The following PKLR variants were observed in gnomAD, a reference collection of about 807,000 sequenced individuals.
PKLR encodes pyruvate kinase L/R, also known as pyruvate kinase PKLR.
PKLR carries 38 observed loss-of-function variants against 53.6 expected under a neutral mutation model. The observed-to-expected ratio is 0.71, with a 90% CI of 0.55 to 0.93. The LOEUF (loss-of-function observed/expected upper bound fraction) is 0.93, where lower values mean the gene tolerates loss of function less well. Ranked by LOEUF, PKLR falls within the 40% of genes least tolerant of loss-of-function variation. PKLR has a pLI of 0.00. For missense variants in PKLR, 702 were observed against 787.3 expected (o/e 0.89, Z 1.30); for synonymous variants, 328 against 316.2 (o/e 1.04, Z -0.39).
At chr1:155,298,960 T>C (rs1403051432) in intron 2 of PKLR, among the ~76,000 whole-genome samples, 2 of 39,370 alleles carry the variant, frequency 5.1e-5, no homozygotes, top group Non-Finnish European at 9.0e-5. Flanking sequence ...ACTCCTTTCT[T>C]TCTTTCTTTC....
At chr1:155,298,105 G>A (rs899402982) in intron 2 of PKLR, among the ~76,000 whole-genome samples, 1 of 151,964 alleles carries the variant, frequency 6.6e-6, no homozygotes, top group African/African-American at 2.4e-5. Context: ...GAGGACAGAG[G>A]TGCGATCTCT....
rs753890733 is a variant in PKLR, at chr1:155,293,193, G to A, written c.1420C>T (p.Leu474=). 18 of 1,614,054 alleles carry A rather than the reference G, an allele frequency of 1.1e-5. No homozygotes were observed. The highest frequency in any genetic ancestry group is 1.4e-5 in the Non-Finnish European group (16 of 1,179,988). ...FKCCAAAIIV[L]TTTGRSAQLL... The stretch of plus-strand genomic sequence containing the variant: ...CCCCCTCACCGGCCAGTTGTGGTCA[G>A]CACAATGATGGCAGCAGCACAGCAC... The change falls in exon 9 of 11, where the codon CTG becomes TTG. Residue 474 remains leucine (L), a synonymous_variant. Transcript: ENST00000342741. This position sits in a 1 kb window ranked among gnomAD's most constrained non-coding sequence, Gnocchi z 4.2.
At chr1:155,305,358 C>A (rs1167659150), upstream of PKLR, among the ~76,000 whole-genome samples, 1 of 152,090 alleles carries the variant, frequency 6.6e-6, no homozygotes. Flanking sequence ...CGAGCTGTAA[C>A]CACTAAGCTC....
chr1:155,290,501 C>T lies in PKLR; in HGVS notation c.*71G>A, dbSNP rs1481300966. The T allele has an allele frequency of 5.5e-6, 5 of 911,044 alleles. No individual in the cohort carries two copies. Among genetic ancestry groups the T allele is most frequent in the Admixed American group, 1.9e-5 (1 of 53,916 alleles). 56.4% of individuals were successfully genotyped at this position (911,044 alleles called of 1,614,324 possible). On this transcript the variant is annotated 3_prime_UTR_variant, in exon 11 of 11. Coordinates refer to ENST00000342741, the MANE Select transcript of PKLR (RefSeq NM_000298.6). ...AGGTGGGGCTTTGGAGGGGTGTGGG[C>T]TGGAGAACGTAGACTGGGGAGGAAG...
intron 9 of PKLR, among the ~76,000 whole-genome samples, chr1:155,292,596 C>T (rs1647267606): frequency 6.6e-6 from 1 of 152,180 alleles, no homozygotes; most frequent in Non-Finnish European, 1.5e-5. Context: ...GAGATTGCAC[C>T]ATTTTACTCC....
rs762661462 is a variant in PKLR at position 155,295,742 on chromosome 1, A to T, written c.298T>A (p.Ser100Thr). 1.2e-6 allele frequency: 2 copies of T among 1,614,004 alleles called. No homozygotes were observed. The highest frequency in any genetic ancestry group is 2.2e-5 in the South Asian group (2 of 91,088). The change falls in exon 3 of 11, where the codon TCC becomes ACC. Residue 100 changes from serine (S) to threonine (T), a missense_variant. Physicochemically the swap from Ser to Thr is moderately conservative, Grantham distance 58. Transcript: ENST00000342741. This position sits in a 1 kb window ranked among gnomAD's most constrained non-coding sequence, Gnocchi z 4.3. ...IIATIGPASR[S>T]VERLKEMIKA... ...ATCATCTCCTTGAGGCGCTCCACGG[A>T]GCGAGATGCTGGCCCTAGAACCAGA...
intron 2 of PKLR, among the ~76,000 whole-genome samples, chr1:155,298,956 T>TTC (rs1647766537): frequency 4.5e-5 from 1 of 22,070 alleles, no homozygotes; most frequent in Non-Finnish European, 7.9e-5. Context: ...TTTCACTCCT[T>TTC]TCTTTCTTTC....
intron 2 of PKLR, among the ~76,000 whole-genome samples, chr1:155,298,974 CTTT>C (rs1647775476): frequency 1.3e-5 from 1 of 79,928 alleles, no homozygotes; most frequent in African/African-American, 7.4e-5. Flanking sequence ...TTCTTTCTTT[CTTT>C]CTTTCTTTCT....
At chr1:155,305,429 G>A (rs888683010), upstream of PKLR, among the ~76,000 whole-genome samples, 13 of 152,170 alleles carry the variant, frequency 8.5e-5, no homozygotes, top group Admixed American at 2.0e-4. Flanking sequence ...TGACTCTGGA[G>A]TTGGAAAAGA....
At position 155,290,285 on chromosome 1, in the gene PKLR, G is replaced by A; in HGVS notation, c.*287C>T. 2 of 483,572 alleles carry A rather than the reference G, an allele frequency of 4.1e-6. No individual in the cohort carries two copies. Among genetic ancestry groups the A allele is most frequent in the South Asian group, 4.6e-5 (2 of 43,770 alleles). The allele number at this position is 483,572 out of a possible 1,614,324, so 30.0% of individuals were successfully genotyped here. A position where few individuals can be genotyped will look rare whatever the true frequency, so the allele number is the denominator to read the frequency against. On this transcript the variant is annotated 3_prime_UTR_variant, in exon 11 of 11. Transcript: ENST00000342741. ...AAAGACTCAAGGCATCTTAGGGCCTGCTGAGCAGATTGGATGCAGGGAATG... is the reference window on the plus strand; with the variant it reads ...AAAGACTCAAGGCATCTTAGGGCCTACTGAGCAGATTGGATGCAGGGAATG...
At position 155,294,688 on chromosome 1, in the gene PKLR, GTT is replaced by G; in HGVS notation, c.757_758del (p.Asn253LeufsTer62). 1 of 1,614,050 alleles carries G rather than the reference GTT, an allele frequency of 6.2e-7. No individual in the cohort carries two copies. Among genetic ancestry groups the G allele is most frequent in the Non-Finnish European group, 8.5e-7 (1 of 1,180,030 alleles). On this transcript the variant is annotated frameshift_variant, in exon 6 of 11. Coordinates refer to ENST00000342741, the MANE Select transcript of PKLR (RefSeq NM_000298.6). LOFTEE classifies it high-confidence loss of function. Reference sequence around the variant, plus strand: ...GCAAGTCCACCTGGGCCCCTGGCAAGTTCACGCCCTTCCGGCTGCCCAGGACG... The same window carrying G: ...GCAAGTCCACCTGGGCCCCTGGCAAGCACGCCCTTCCGGCTGCCCAGGACG... ...GGVLGSRKGV[N>X]LPGAQVDLPG...
chr1:155,290,744 T>G (rs926736215), intron 10 of PKLR, 66 bp from the exon 11 acceptor site: 1 of 992,614 alleles, frequency 1.0e-6, no homozygotes, highest in Non-Finnish European at 1.6e-6. Flanking sequence ...ATCCCATCAC[T>G]TTGGGAAGCC....
In PKLR at chr1:155,290,034, C is replaced by G. The variant is rs1412253367; in HGVS notation, c.*538G>C. The G allele has an allele frequency of 6.1e-6, 1 of 164,316 alleles. No homozygotes were observed. 10.2% of individuals were successfully genotyped at this position (164,316 alleles called of 1,614,324 possible). ...GACAAAATCAGCTGCCCAGCCCTCA[C>G]TTCTCCCCAGCATCCATCCCACCCA... On this transcript the variant is annotated 3_prime_UTR_variant, in exon 11 of 11. Coordinates refer to ENST00000342741, the MANE Select transcript of PKLR (RefSeq NM_000298.6).
Position 155,294,221 on chromosome 1 carries a change from G to A in PKLR, c.1116+14C>T, listed in dbSNP as rs1318936961. 6.2e-7 allele frequency: 1 copy of A among 1,614,050 alleles called. No homozygotes were observed. Among genetic ancestry groups the A allele is most frequent in the South Asian group, 1.1e-5 (1 of 91,086 alleles). ...AACCCACAGAGTGCCGAACCTCAAG[G>A]CCTCACTCCAGACCTGTGTGGCACA... On this transcript the variant is annotated intron_variant, in intron 7 of 10. Coordinates refer to ENST00000342741, the MANE Select transcript of PKLR (RefSeq NM_000298.6).
At position 155,293,931 on chromosome 1, in the gene PKLR, G is replaced by A. The variant is rs994447483; in HGVS notation, c.1116+304C>T. Among the ~76,000 whole-genome samples, 1 of 152,120 alleles carries A rather than the reference G, an allele frequency of 6.6e-6. No homozygotes were observed. The highest frequency in any genetic ancestry group is 6.6e-5 in the Admixed American group (1 of 15,262). On this transcript the variant is annotated intron_variant, in intron 7 of 10. Coordinates refer to ENST00000342741, the MANE Select transcript of PKLR (RefSeq NM_000298.6). The surrounding 1 kb of genome is among the most constrained non-coding windows in gnomAD (Gnocchi z 4.2). Reference sequence around the variant, plus strand: ...GTAGATCACCTGAGGTCAGGAGTTCGAGACCAGTCTGGCCAACATGGTGAA... The same window carrying A: ...GTAGATCACCTGAGGTCAGGAGTTCAAGACCAGTCTGGCCAACATGGTGAA...
chr1:155,303,786 T>C (rs2148223253), upstream of PKLR, among the ~76,000 whole-genome samples: 1 of 152,208 alleles, frequency 6.6e-6, no homozygotes, highest in East Asian at 1.9e-4. Context: ...CCACCATGCC[T>C]GACCTAGAGG....
chr1:155,304,557 G>C (rs1020454767), upstream of PKLR, among the ~76,000 whole-genome samples: 6 of 152,076 alleles, frequency 3.9e-5, no homozygotes, highest in Admixed American at 3.9e-4. Context: ...CGAAGAGAGG[G>C]GGACGGCTTG....
At chr1:155,301,630 C>T (rs148670003), upstream of PKLR, among the ~76,000 whole-genome samples, 8 of 151,892 alleles carry the variant, frequency 5.3e-5, no homozygotes, top group African/African-American at 1.9e-4. Context: ...TCTGGTCATC[C>T]ACGTGAATAG....
rs1553231336 is a variant in PKLR at position 155,299,007 on chromosome 1, T to TTTCTTTC, written c.283+1084_283+1090dup. Among the ~76,000 whole-genome samples, 209 of 100,760 alleles carry TTTCTTTC rather than the reference T, an allele frequency of 2.1e-3. 4 individuals carry two copies. The highest frequency in any genetic ancestry group is 2.9e-3 in the Non-Finnish European group (157 of 53,936). 66.1% of individuals were successfully genotyped at this position (100,760 alleles called of 152,430 possible). ...CTTTCTTTCTTTCTTTCTTTCTTTCTTTCTTTCTTTCTTTCTTTCTTTCTT... is the reference window on the plus strand; with the variant it reads ...CTTTCTTTCTTTCTTTCTTTCTTTCTTTCTTTCTTCTTTCTTTCTTTCTTTCTTTCTT... On this transcript the variant is annotated intron_variant, in intron 2 of 10. Coordinates refer to ENST00000342741, the MANE Select transcript of PKLR (RefSeq NM_000298.6).
Sources: gnomAD v4.1 joint callset for allele counts (sites outside exome capture counted in the v4.1 genomes callset) on GRCh38, gnomAD v4.1.1 for gene constraint, Gnocchi (gnomAD v3.1) non-coding constraint, MANE v1.5 for transcripts, NCBI Gene and HGNC (gene_info 2026-07-23, HGNC 2026-07-21) for gene names.